PCDH9: variants seen among roughly 807,000 people sequenced by gnomAD.
PCDH9 encodes the protein protocadherin 9.
PCDH9 carries 24 observed loss-of-function variants against 70.6 expected under a neutral mutation model. The ratio of observed to expected loss-of-function variants is 0.34; its 90% CI spans 0.25 to 0.48. The LOEUF is 0.48. Among genes scored for constraint, PCDH9 ranks in the 20% least tolerant of loss-of-function variants. The pLI, the probability that PCDH9 is intolerant of heterozygous loss-of-function variation, is 0.99. For synonymous variants in PCDH9, 562 were observed against 558.5 expected (o/e 1.01, Z -0.09); for missense variants, 1,281 against 1,503.6 (o/e 0.85, Z 2.45).
At chr13:66,874,300 G>A (rs1427018578) in intron 3 of PCDH9, among the ~76,000 whole-genome samples, 4 of 152,070 alleles carry the variant, frequency 2.6e-5, no homozygotes, top group Admixed American at 2.0e-4. Context: ...GAAAAGCTAG[G>A]TCAAAGGCAT....
chr13:66,944,269 CTATT>C (rs1001244574), intron 2 of PCDH9, among the ~76,000 whole-genome samples: 11 of 152,126 alleles, frequency 7.2e-5, no homozygotes, highest in African/African-American at 1.2e-4. Flanking sequence ...ATGCAACTAT[CTATT>C]TAACTTTAAA....
At chr13:66,950,196 A>T (rs1221967362) in intron 2 of PCDH9, among the ~76,000 whole-genome samples, 1 of 152,136 alleles carries the variant, frequency 6.6e-6, no homozygotes, top group East Asian at 1.9e-4. Context: ...ATATGCTCCA[A>T]TTTAATCCAA....
At position 66,484,636 on chromosome 13, in the gene PCDH9, T is replaced by A. The variant is rs79275268; in HGVS notation, c.3340+146574A>T. ...AGAAACTCTAACACAGAGCCCTATA[T>A]GAGATGGTTATTCAGTGCCAGGTGC... On this transcript the variant is annotated intron_variant, in intron 4 of 4. Coordinates refer to ENST00000377865, the MANE Select transcript of PCDH9 (RefSeq NM_203487.3). Among the ~76,000 whole-genome samples the A allele has an allele frequency of 8.6e-3, 1,303 of 152,284 alleles. 21 individuals are homozygous for A. The highest frequency in any genetic ancestry group is 0.029 in the African/African-American group (1,207 of 41,552).
intron 3 of PCDH9, among the ~76,000 whole-genome samples, chr13:66,656,642 G>C (rs1007663924): frequency 2.6e-5 from 4 of 152,040 alleles, no homozygotes; most frequent in Non-Finnish European, 4.4e-5. Context: ...TGGTGGGGTG[G>C]GGGGGCGGTT....
At chr13:66,726,057 T>C (rs950981655) in intron 3 of PCDH9, among the ~76,000 whole-genome samples, 1 of 152,174 alleles carries the variant, frequency 6.6e-6, no homozygotes, top group Non-Finnish European at 1.5e-5. Context: ...GTGAGCTAGA[T>C]AGGATACTTG....
At chr13:67,055,988 A>T (rs9540982) in intron 2 of PCDH9, among the ~76,000 whole-genome samples, 14,772 of 152,204 alleles carry the variant, frequency 0.097, 789 homozygotes, top group Non-Finnish European at 0.12. Flanking sequence ...CCCCATCTCG[A>T]TGAAATTTTT....
At chr13:66,711,730 T>C (rs2078797307) in intron 3 of PCDH9, among the ~76,000 whole-genome samples, 1 of 152,148 alleles carries the variant, frequency 6.6e-6, no homozygotes, top group African/African-American at 2.4e-5. Flanking sequence ...TTTTTTATCA[T>C]CGATGGTCAC....
At chr13:66,544,342 C>G (rs1252745014) in intron 4 of PCDH9, among the ~76,000 whole-genome samples, 1 of 152,144 alleles carries the variant, frequency 6.6e-6, no homozygotes, top group African/African-American at 2.4e-5. Flanking sequence ...AACTTCAGAA[C>G]TTACCAAACA....
chr13:66,473,279 A>G (rs1280355967), intron 4 of PCDH9, among the ~76,000 whole-genome samples: 1 of 152,118 alleles, frequency 6.6e-6, no homozygotes, highest in South Asian at 2.1e-4. Context: ...CAAGGAAAAA[A>G]ATAGCAGGGA....
At chr13:66,891,068 T>C (rs2082087951) in intron 3 of PCDH9, among the ~76,000 whole-genome samples, 1 of 152,082 alleles carries the variant, frequency 6.6e-6, no homozygotes, top group Non-Finnish European at 1.5e-5. Flanking sequence ...GCCTTCTGTG[T>C]CTGCTTGTTT....
At position 66,950,332 on chromosome 13, in the gene PCDH9, T is replaced by C. The variant is rs1448276863; in HGVS notation, c.3037-46727A>G. Among the ~76,000 whole-genome samples, 10 of 152,240 alleles carry C rather than the reference T, an allele frequency of 6.6e-5. No individual in the cohort carries two copies. In the South Asian group the frequency reaches 2.1e-3, roughly 32 times the overall value. ...ACTTAATAGCTGTGAGATTTACAGA[T>C]GTGAAGCTTATTCAATCTTCAGAAA... On this transcript the variant is annotated intron_variant, in intron 2 of 4. Coordinates refer to ENST00000377865, the MANE Select transcript of PCDH9 (RefSeq NM_203487.3).
intron 2 of PCDH9, among the ~76,000 whole-genome samples, chr13:66,934,564 G>GAAAAAGAAAAAGAAAAGAAAAAA (rs2082876083): frequency 6.8e-6 from 1 of 146,926 alleles, no homozygotes; most frequent in Non-Finnish European, 1.5e-5. Flanking sequence ...AAAAGAAAAA[G>GAAAAAGAAAAAGAAAAGAAAAAA]AAAAATACAA....
intron 4 of PCDH9, among the ~76,000 whole-genome samples, chr13:66,518,985 G>C (rs1305113304): frequency 6.6e-6 from 1 of 152,162 alleles, no homozygotes; most frequent in Non-Finnish European, 1.5e-5. Context: ...CGGTGTCCCA[G>C]ATATAATATA....
chr13:66,748,320 A>T (rs1051146598), intron 3 of PCDH9, among the ~76,000 whole-genome samples: 2 of 152,174 alleles, frequency 1.3e-5, no homozygotes, highest in African/African-American at 4.8e-5. Context: ...TTTCATGTGT[A>T]CCTTTGCTGT....
At chr13:67,032,289 G>A (rs1011513062) in intron 2 of PCDH9, among the ~76,000 whole-genome samples, 17 of 151,254 alleles carry the variant, frequency 1.1e-4, no homozygotes, top group African/African-American at 4.1e-4. Flanking sequence ...GACTACAGGT[G>A]CATGACCCCA....
intron 3 of PCDH9, among the ~76,000 whole-genome samples, chr13:66,707,353 G>A (rs894497927): frequency 6.6e-5 from 10 of 152,062 alleles, no homozygotes; most frequent in Non-Finnish European, 1.2e-4. Flanking sequence ...GAGACACTAC[G>A]CACTTAGAAA....
At chr13:66,575,597 T>G (rs1310556111) in intron 4 of PCDH9, among the ~76,000 whole-genome samples, 1 of 152,168 alleles carries the variant, frequency 6.6e-6, no homozygotes, top group Admixed American at 6.6e-5. Flanking sequence ...TATGCCTTGC[T>G]TTTACCTCCC....
chr13:66,870,564 A>T (rs1314369868), intron 3 of PCDH9, among the ~76,000 whole-genome samples: 2 of 152,324 alleles, frequency 1.3e-5, no homozygotes, highest in African/African-American at 4.8e-5. Context: ...AACCCCATCA[A>T]AAAGTGGGCA....
intron 4 of PCDH9, among the ~76,000 whole-genome samples, chr13:66,621,909 G>T (rs1175521403): frequency 6.6e-6 from 1 of 152,254 alleles, no homozygotes; most frequent in Non-Finnish European, 1.5e-5. Context: ...GCTGGCCAAG[G>T]CTGGAGCCGG....
Sources: allele counts gnomAD v4.1 joint callset (sites outside exome capture counted in the v4.1 genomes callset), GRCh38; gene constraint gnomAD v4.1.1; transcripts MANE v1.5; gene names NCBI Gene and HGNC (gene_info 2026-07-23, HGNC 2026-07-21).